NCKAP1L: variants seen among roughly 807,000 people sequenced by gnomAD.
NCKAP1L encodes nck-associated protein 1-like.
NCKAP1L carries 53 observed loss-of-function variants against 139.2 expected under a neutral mutation model. The ratio of observed to expected loss-of-function variants is 0.38; its 90% CI spans 0.31 to 0.48. The LOEUF is 0.48. Among genes scored for constraint, NCKAP1L ranks in the 20% least tolerant of loss-of-function variants. The pLI is 0.98. For missense variants in NCKAP1L, 1,151 were observed against 1,381.9 expected (o/e 0.83, Z 2.65); for synonymous variants, 468 against 499.7 (o/e 0.94, Z 0.85).
At chr12:54,506,168 G>C (rs1956837947) in intron 3 of NCKAP1L, among the ~76,000 whole-genome samples, 1 of 152,144 alleles carries the variant, frequency 6.6e-6, no homozygotes, top group African/African-American at 2.4e-5. Context: ...CATATGGTAA[G>C]AGTATATTTA....
At chr12:54,539,589 G>T (rs1957141540) in intron 30 of NCKAP1L, among the ~76,000 whole-genome samples, 1 of 152,094 alleles carries the variant, frequency 6.6e-6, no homozygotes, top group Admixed American at 6.5e-5. Flanking sequence ...TTTCCTCATG[G>T]CCCTGTTTCC....
At position 54,547,470 on chromosome 12, in the gene NCKAP1L, T is replaced by G. The variant is rs1160508394; in HGVS notation, c.*4785T>G. 6.6e-6 allele frequency: 1 copy of G among 151,564 alleles called. No individual in the cohort carries two copies. The highest frequency in any genetic ancestry group is 1.5e-5 in the Non-Finnish European group (1 of 67,988). The allele number at this position is 151,564 out of a possible 1,614,324, so 9.4% of individuals were successfully genotyped here. A position where few individuals can be genotyped will look rare whatever the true frequency, so the allele number is the denominator to read the frequency against. On this transcript the variant is annotated 3_prime_UTR_variant, in exon 31 of 31. Transcript: ENST00000293373. ...GGGAATTAGAGTGGATGAACTCTAATGTCTCTTTCACGAATAACTTTGTGT... is the reference window on the plus strand; with the variant it reads ...GGGAATTAGAGTGGATGAACTCTAAGGTCTCTTTCACGAATAACTTTGTGT...
intron 3 of NCKAP1L, among the ~76,000 whole-genome samples, chr12:54,506,906 A>C (rs1209121238): frequency 3.3e-5 from 5 of 149,604 alleles, no homozygotes; most frequent in Non-Finnish European, 4.4e-5. Context: ...GAACAAAACG[A>C]ATCAGTGGAA....
intron 1 of NCKAP1L, among the ~76,000 whole-genome samples, chr12:54,498,399 T>TTGTGTGTGTGTGTGTGTGTGTGTG (rs766272206): frequency 1.4e-5 from 2 of 142,294 alleles, no homozygotes; most frequent in African/African-American, 2.6e-5. Flanking sequence ...GCTGTGGTGG[T>TTGTGTGTGTGTGTGTGTGTGTGTG]TGTGTGTGTG....
At position 54,536,263 on chromosome 12, in the gene NCKAP1L, T is replaced by C. The variant is rs1957112044; in HGVS notation, c.3073+18T>C. ...GAAGGATGGTAAGTAAGGGGTAGGTTTGAGACACCAGTGCTATTCAAGTTA... is the reference window on the plus strand; with the variant it reads ...GAAGGATGGTAAGTAAGGGGTAGGTCTGAGACACCAGTGCTATTCAAGTTA... On this transcript the variant is annotated intron_variant, in intron 28 of 30. Coordinates refer to ENST00000293373, the MANE Select transcript of NCKAP1L (RefSeq NM_005337.5). 2 of 1,524,194 alleles carry C rather than the reference T, an allele frequency of 1.3e-6. No individual in the cohort carries two copies. Among genetic ancestry groups the C allele is most frequent in the Admixed American group, 1.7e-5 (1 of 59,816 alleles). The allele number at this position is 1,524,194 out of a possible 1,614,324, so 94.4% of individuals were successfully genotyped here.
chr12:54,524,418 T>C (rs1475717511), intron 20 of NCKAP1L, among the ~76,000 whole-genome samples: 3 of 152,208 alleles, frequency 2.0e-5, no homozygotes, highest in Non-Finnish European at 4.4e-5. Flanking sequence ...GCAAAGCTCC[T>C]GACATATGTT....
At chr12:54,533,692 G>A (rs1015062572) in intron 26 of NCKAP1L, among the ~76,000 whole-genome samples, 2 of 151,916 alleles carry the variant, frequency 1.3e-5, no homozygotes, top group Admixed American at 6.6e-5. Context: ...TCAGCCCCCC[G>A]AGTTCCTCCT....
At chr12:54,535,796 G>A (rs1957109421) in intron 27 of NCKAP1L, among the ~76,000 whole-genome samples, 1 of 152,144 alleles carries the variant, frequency 6.6e-6, no homozygotes, top group Non-Finnish European at 1.5e-5. Context: ...TGGTGGGTGA[G>A]AACCTTTTGT....
chr12:54,513,512 T>A (rs1956905287), intron 9 of NCKAP1L, among the ~76,000 whole-genome samples: 1 of 152,036 alleles, frequency 6.6e-6, no homozygotes, highest in Non-Finnish European at 1.5e-5. Flanking sequence ...ATGTTGATAT[T>A]TAAGGGCCAG....
At chr12:54,528,922 A>T (rs753230289) in intron 22 of NCKAP1L, among the ~76,000 whole-genome samples, 1 of 152,112 alleles carries the variant, frequency 6.6e-6, no homozygotes, top group African/African-American at 2.4e-5. Context: ...GGCATGAGCC[A>T]CCACCCCCAG....
At position 54,545,067 on chromosome 12, in the gene NCKAP1L, C is replaced by G. The variant is rs1957188115; in HGVS notation, c.*2382C>G. On this transcript the variant is annotated 3_prime_UTR_variant, in exon 31 of 31. Coordinates refer to ENST00000293373, the MANE Select transcript of NCKAP1L (RefSeq NM_005337.5). ...CACCACAAGGATCCCTCGCATTGCTCTTTTATAGCAATTTTATAGCAATTT... is the reference window on the plus strand; with the variant it reads ...CACCACAAGGATCCCTCGCATTGCTGTTTTATAGCAATTTTATAGCAATTT... 1 of 152,174 alleles carries G rather than the reference C, an allele frequency of 6.6e-6. No individual in the cohort carries two copies. Among genetic ancestry groups the G allele is most frequent in the Non-Finnish European group, 1.5e-5 (1 of 68,032 alleles). The allele number at this position is 152,174 out of a possible 1,614,324, so 9.4% of individuals were successfully genotyped here. A position where few individuals can be genotyped will look rare whatever the true frequency, so the allele number is the denominator to read the frequency against.
chr12:54,506,796 A>AAATATATATATATATATATATAT, intron 3 of NCKAP1L, among the ~76,000 whole-genome samples: 16 of 50,596 alleles, frequency 3.2e-4, no homozygotes, highest in Non-Finnish European at 3.6e-4. Flanking sequence ...AAAAAAAAAA[A>AAATATATATATATATATATATAT]ATATATATAT....
At chr12:54,522,647 A>G (rs1415151129) in intron 18 of NCKAP1L, among the ~76,000 whole-genome samples, 1 of 152,240 alleles carries the variant, frequency 6.6e-6, no homozygotes, top group African/African-American at 2.4e-5. Flanking sequence ...ATTTAAAAAA[A>G]GAAGGCACGA....
intron 8 of NCKAP1L, 22 bp from the exon 9 acceptor site, chr12:54,511,927 T>G (rs758173097): frequency 1.2e-6 from 2 of 1,614,222 alleles, no homozygotes; most frequent in Non-Finnish European, 1.7e-6. Flanking sequence ...AGTCTTCCTC[T>G]GCACTGTTTT....
At chr12:54,508,594 C>T in intron 5 of NCKAP1L, 63 bp downstream of exon 5, 1 of 1,519,376 alleles carries the variant, frequency 6.6e-7, no homozygotes, top group Non-Finnish European at 9.0e-7. Context: ...GTAGAGAGTC[C>T]CTCATGCAAA....
intron 26 of NCKAP1L, among the ~76,000 whole-genome samples, chr12:54,533,835 G>T (rs1279646323): frequency 6.6e-6 from 1 of 152,214 alleles, no homozygotes; most frequent in South Asian, 2.1e-4. Context: ...CTCCCAAAGT[G>T]CTGGGATTAC....
intron 20 of NCKAP1L, among the ~76,000 whole-genome samples, chr12:54,524,979 T>TA (rs1489408190): frequency 6.6e-6 from 1 of 151,958 alleles, no homozygotes; most frequent in Non-Finnish European, 1.5e-5. Context: ...GCATTCTAGG[T>TA]AGAGGAAACA....
chr12:54,532,367 G>T, intron 26 of NCKAP1L, 117 bp downstream of exon 26: 2 of 602,886 alleles, frequency 3.3e-6, no homozygotes, highest in Non-Finnish European at 5.4e-6. Flanking sequence ...TAAGGGCGAG[G>T]GTTTGAATAG....
Position 54,508,485 on chromosome 12 carries a change from C to G in NCKAP1L, c.460C>G (p.Leu154Val). The change falls in exon 5 of 31, where the codon CTC (leucine) becomes GTC (valine). Residue 154 changes from leucine (L) to valine (V), a missense_variant. Transcript: ENST00000293373. ...LLSRIEDRRILIGMYNCAHEM... is the reference protein window; with the variant it reads ...LLSRIEDRRIVIGMYNCAHEM... ...GTCACGGATTGAAGATCGGCGGATA[C>G]TCATTGGCATGTACAATTGTGCCCA... is the stretch of plus-strand genomic sequence containing the variant. 1 of 1,614,162 alleles carries G rather than the reference C, an allele frequency of 6.2e-7. No homozygotes were observed. Among genetic ancestry groups the G allele is most frequent in the South Asian group, 1.1e-5 (1 of 91,086 alleles).
Sources: allele counts gnomAD v4.1 joint callset (sites outside exome capture counted in the v4.1 genomes callset), GRCh38; gene constraint gnomAD v4.1.1; transcripts MANE v1.5; gene names NCBI Gene and HGNC (gene_info 2026-07-23, HGNC 2026-07-21).